Variants in VARS2 observed in about 807,000 individuals in gnomAD.
The protein encoded by VARS2 is valine--tRNA ligase, mitochondrial.
VARS2 carries 105 observed loss-of-function variants against 154.1 expected under a neutral mutation model. The ratio of observed to expected loss-of-function variants is 0.68; its 90% CI spans 0.58 to 0.80. The LOEUF is 0.80. Ranked by LOEUF, VARS2 falls within the 30% of genes least tolerant of loss-of-function variation. The pLI, the probability that VARS2 is intolerant of heterozygous loss-of-function variation, is 0.00. For synonymous variants in VARS2, 483 were observed against 539.5 expected, an observed-to-expected ratio of 0.90 and a Z score of 1.45; for missense variants, 1,157 against 1,361.4, an observed-to-expected ratio of 0.85 and a Z score of 2.36.
Position 30,925,528 on chromosome 6 carries a change from GTTTC to G in VARS2, c.2786-7_2786-4del, listed in dbSNP as rs1187196326. The G allele has an allele frequency of 6.4e-7, 1 of 1,567,094 alleles. No homozygotes were observed. The highest frequency in any genetic ancestry group is 8.6e-7 in the Non-Finnish European group (1 of 1,160,916). On this transcript the variant is annotated splice_polypyrimidine_tract_variant and intron_variant, in intron 27 of 29. Coordinates refer to ENST00000676266, the MANE Select transcript of VARS2 (RefSeq NM_020442.6). The stretch of plus-strand genomic sequence containing the variant: ...AGGAGCTGAGGCCTTGCCCCTGACA[GTTTC>G]TTTCTTTCCAGTGCTGCTGCAGAGC...
At position 30,924,535 on chromosome 6, in the gene VARS2, C is replaced by T. The variant is rs1794725543; in HGVS notation, c.2648C>T (p.Ala883Val). Residue 883 changes from alanine (A) to valine (V), a missense_variant, in exon 26 of 30, where the codon GCC (alanine) becomes GTC (valine). By Grantham distance (64) the Ala-to-Val change is moderately conservative. Transcript: ENST00000676266. ...GCPPAPSISV[A>V]PYPSACSLEH... ...CCCCCTGCCCCCAGCATCTCGGTTG[C>T]CCCCTACCCCAGCGCCTGCAGCTTG... 2.6e-6 allele frequency: 4 copies of T among 1,559,506 alleles called. No homozygotes were observed. The highest frequency in any genetic ancestry group is 1.4e-5 in the African/African-American group (1 of 73,680).
chr6:30,924,534 G>A lies in VARS2; in HGVS notation c.2647G>A (p.Ala883Thr). 6.4e-7 allele frequency: 1 copy of A among 1,567,274 alleles called. No homozygotes were observed. ...CCCCCCTGCCCCCAGCATCTCGGTT[G>A]CCCCCTACCCCAGCGCCTGCAGCTT... ...GCPPAPSISV[A>T]PYPSACSLEH... Residue 883 changes from alanine (A) to threonine (T), a missense_variant, in exon 26 of 30, where the codon GCC becomes ACC. By Grantham distance (58) the Ala-to-Thr change is moderately conservative (BLOSUM62 0). Coordinates refer to ENST00000676266, the MANE Select transcript of VARS2 (RefSeq NM_020442.6).
chr6:30,919,888 C>A lies in VARS2; in HGVS notation c.1165+40C>A. 6.6e-7 allele frequency: 1 copy of A among 1,520,990 alleles called. No individual in the cohort carries two copies. Among genetic ancestry groups the A allele is most frequent in the Non-Finnish European group, 8.9e-7 (1 of 1,129,112 alleles). 94.2% of individuals were successfully genotyped at this position (1,520,990 alleles called of 1,614,324 possible). Reference sequence around the variant, plus strand: ...GGGGAGGGAGAGAAAGTTGGGGGTCCTGGAGGAGAGGGGAGGGAACCAGGA... The same window carrying A: ...GGGGAGGGAGAGAAAGTTGGGGGTCATGGAGGAGAGGGGAGGGAACCAGGA... On this transcript the variant is annotated intron_variant, in intron 12 of 29. Transcript: ENST00000676266. This position sits in a 1 kb window ranked among gnomAD's most constrained non-coding sequence, Gnocchi z 4.5.
rs997456526 is a variant in VARS2, at chr6:30,922,107, TC to T, written c.1807-4del. 6.2e-7 allele frequency: 1 copy of T among 1,612,024 alleles called. No homozygotes were observed. Among genetic ancestry groups the T allele is most frequent in the Non-Finnish European group, 8.5e-7 (1 of 1,179,658 alleles). ...GGCCTGGGCCTCTTACTGCTCCTCT[TC>T]CCCCTAGACCCCAGACCTTGCTCGT... On this transcript the variant is annotated splice_region_variant and splice_polypyrimidine_tract_variant and intron_variant, in intron 19 of 29. Transcript: ENST00000676266.
At position 30,921,639 on chromosome 6, in the gene VARS2, G is replaced by A; in HGVS notation, c.1683G>A (p.Glu561=). The A allele has an allele frequency of 6.2e-7, 1 of 1,609,568 alleles. No individual in the cohort carries two copies. Among genetic ancestry groups the A allele is most frequent in the Non-Finnish European group, 8.5e-7 (1 of 1,179,190 alleles). The change falls in exon 18 of 30, where the codon GAG becomes GAA. Residue 561 remains glutamate, a synonymous_variant. Coordinates refer to ENST00000676266, the MANE Select transcript of VARS2 (RefSeq NM_020442.6). The surrounding 1 kb of genome is among the most constrained non-coding windows in gnomAD (Gnocchi z 4.6). The part of the protein sequence containing the change: ...VVGRSEAEAR[E]VAAELTGRPG... ...GGCGGTCAGAGGCTGAGGCCAGAGAGGTAGCAGCGGAACTGACAGGGAGGC... is the reference window on the plus strand; with the variant it reads ...GGCGGTCAGAGGCTGAGGCCAGAGAAGTAGCAGCGGAACTGACAGGGAGGC...
At position 30,915,355 on chromosome 6, in the gene VARS2, A is replaced by G; in HGVS notation, c.284A>G (p.Asp95Gly). The G allele has an allele frequency of 6.2e-7, 1 of 1,614,168 alleles. No homozygotes were observed. Among genetic ancestry groups the G allele is most frequent in the Non-Finnish European group, 8.5e-7 (1 of 1,180,016 alleles). The change falls in exon 4 of 30, where the codon GAT becomes GGT. Residue 95 changes from aspartate (D) to glycine (G), a missense_variant and splice_region_variant. Coordinates refer to ENST00000676266, the MANE Select transcript of VARS2 (RefSeq NM_020442.6). ...GTGGAGCTCTCCTCTGCCTTCACAG[A>G]TGTCTCTGGGCCCCTGCCTCCTGCA... Reference protein sequence around the residue: ...EIPTKPGEKKDVSGPLPPAYS... With the variant: ...EIPTKPGEKKGVSGPLPPAYS...
Position 30,924,350 on chromosome 6 carries a change from C to G in VARS2, c.2467-4C>G. On this transcript the variant is annotated splice_polypyrimidine_tract_variant and splice_region_variant and intron_variant, in intron 25 of 29. Transcript: ENST00000676266. Reference sequence around the variant, plus strand: ...TGTCCTCTGACCATTGGCTTCCTCTCCAGGAGGCTGTGAAGCCCGTGCTGT... The same window carrying G: ...TGTCCTCTGACCATTGGCTTCCTCTGCAGGAGGCTGTGAAGCCCGTGCTGT... 1 of 1,611,550 alleles carries G rather than the reference C, an allele frequency of 6.2e-7. No individual in the cohort carries two copies.
Position 30,920,275 on chromosome 6 carries a change from C to A in VARS2, c.1294-58C>A. ...GGCTCTCTGTCCCCCTAATCCTCCT[C>A]CTAGTTTCTTATTTCTCTAGAGGCC... On this transcript the variant is annotated intron_variant, in intron 13 of 29. Transcript: ENST00000676266. This position sits in a 1 kb window ranked among gnomAD's most constrained non-coding sequence, Gnocchi z 4.6. The A allele has an allele frequency of 6.4e-7, 1 of 1,570,358 alleles. No individual in the cohort carries two copies. Among genetic ancestry groups the A allele is most frequent in the South Asian group, 1.2e-5 (1 of 83,162 alleles).
chr6:30,917,957 G>T lies in VARS2; in HGVS notation c.985+151G>T. On this transcript the variant is annotated intron_variant, in intron 10 of 29. Transcript: ENST00000676266. The surrounding 1 kb of genome is among the most constrained non-coding windows in gnomAD (Gnocchi z 4.4). ...CGTGGGCACTTACCCAGGGTCTTCT[G>T]GGGGATGTACAAAAAGTGCATGTGG... 1 of 798,636 alleles carries T rather than the reference G, an allele frequency of 1.3e-6. No individual in the cohort carries two copies. Among genetic ancestry groups the T allele is most frequent in the South Asian group, 1.6e-5 (1 of 61,844 alleles). The allele number at this position is 798,636 out of a possible 1,614,324, so 49.5% of individuals were successfully genotyped here.
At position 30,920,522 on chromosome 6, in the gene VARS2, C is replaced by A; in HGVS notation, c.1397+86C>A. The A allele has an allele frequency of 7.1e-7, 1 of 1,404,118 alleles. No homozygotes were observed. Among genetic ancestry groups the A allele is most frequent in the Non-Finnish European group, 9.6e-7 (1 of 1,037,178 alleles). 87.0% of individuals were successfully genotyped at this position (1,404,118 alleles called of 1,614,324 possible). A position where few individuals can be genotyped will look rare whatever the true frequency, so the allele number is the denominator to read the frequency against. On this transcript the variant is annotated intron_variant, in intron 14 of 29. Coordinates refer to ENST00000676266, the MANE Select transcript of VARS2 (RefSeq NM_020442.6). The surrounding 1 kb of genome is among the most constrained non-coding windows in gnomAD (Gnocchi z 4.6). The stretch of plus-strand genomic sequence containing the variant: ...GGGTGACAATAGGATGGGCTCTGCA[C>A]CCCTCCGTTAGAATACGAGCTCCGT...
chr6:30,918,054 A>ATGTTT (rs1794288072), intron 10 of VARS2, among the ~76,000 whole-genome samples: 1 of 143,982 alleles, frequency 6.9e-6, no homozygotes, highest in African/African-American at 2.4e-5. Context: ...GTTCTAAGGT[A>ATGTTT]TGTTTTGTTT....
chr6:30,918,831 A>T lies in VARS2; in HGVS notation c.990A>T (p.Ala330=). The change falls in exon 11 of 30, where the codon GCA becomes GCT. Residue 330 remains alanine (A), a synonymous_variant. Coordinates refer to ENST00000676266, the MANE Select transcript of VARS2 (RefSeq NM_020442.6). ...VAFPVDGEPD[A]EVVVGTTRPE... ...TGTTTAAATGTTTATCTTCAGATGC[A>T]GAGGTTGTGGTAGGAACCACAAGGC... 1 of 1,613,004 alleles carries T rather than the reference A, an allele frequency of 6.2e-7. No individual in the cohort carries two copies. Among genetic ancestry groups the T allele is most frequent in the Admixed American group, 1.7e-5 (1 of 60,014 alleles).
In VARS2 at chr6:30,919,302, T is replaced by C; in HGVS notation, c.1074+387T>C. ...GTGCCACCACACCCAGCTAATTTTTTGTATTTTTACAAAAATTAGTAATTA... is the reference window on the plus strand; with the variant it reads ...GTGCCACCACACCCAGCTAATTTTTCGTATTTTTACAAAAATTAGTAATTA... On this transcript the variant is annotated intron_variant, in intron 11 of 29. Transcript: ENST00000676266. The surrounding 1 kb of genome is among the most constrained non-coding windows in gnomAD (Gnocchi z 4.5). 1 of 187,062 alleles carries C rather than the reference T, an allele frequency of 5.3e-6. No individual in the cohort carries two copies. The highest frequency in any genetic ancestry group is 1.1e-5 in the Non-Finnish European group (1 of 91,238). The allele number at this position is 187,062 out of a possible 1,614,324, so 11.6% of individuals were successfully genotyped here.
In VARS2 at chr6:30,916,232, G is replaced by A; in HGVS notation, c.654G>A (p.Val218=). 1 of 1,613,332 alleles carries A rather than the reference G, an allele frequency of 6.2e-7. No individual in the cohort carries two copies. Among genetic ancestry groups the A allele is most frequent in the African/African-American group, 1.3e-5 (1 of 74,992 alleles). Residue 218 remains valine (V), a synonymous_variant, in exon 7 of 30, where the codon GTG becomes GTA. Coordinates refer to ENST00000676266, the MANE Select transcript of VARS2 (RefSeq NM_020442.6). The surrounding 1 kb of genome is among the most constrained non-coding windows in gnomAD (Gnocchi z 4.0). ...ELSREAFLRE[V]WQWKEAKGGE... is the part of the protein sequence containing the mutation. ...GCCGGGAGGCCTTCCTTAGGGAGGTGTGGCAGTGGAAGGAGGCGTGAGTAT... is the reference window on the plus strand; with the variant it reads ...GCCGGGAGGCCTTCCTTAGGGAGGTATGGCAGTGGAAGGAGGCGTGAGTAT...
At chr6:30,924,946 C>G (rs563490317) in intron 26 of VARS2, among the ~76,000 whole-genome samples, 2 of 152,276 alleles carry the variant, frequency 1.3e-5, no homozygotes, top group East Asian at 3.9e-4. Context: ...TATGAACTCA[C>G]CCAAAAATTA....
chr6:30,917,255 A>G lies in VARS2; in HGVS notation c.873+31A>G, dbSNP rs1418931185. 6.2e-7 allele frequency: 1 copy of G among 1,613,758 alleles called. No homozygotes were observed. Among genetic ancestry groups the G allele is most frequent in the Non-Finnish European group, 8.5e-7 (1 of 1,180,014 alleles). On this transcript the variant is annotated intron_variant, in intron 9 of 29. Coordinates refer to ENST00000676266, the MANE Select transcript of VARS2 (RefSeq NM_020442.6). The surrounding 1 kb of genome is among the most constrained non-coding windows in gnomAD (Gnocchi z 4.4). ...GCGGAGAGAGGGAAGCAGGTTTGTG[A>G]GAGCTCTGAGGCAGAGTGGTCAATG...
chr6:30,918,148 A>C, intron 10 of VARS2, among the ~76,000 whole-genome samples: 1 of 152,088 alleles, frequency 6.6e-6, no homozygotes, highest in East Asian at 1.9e-4. Flanking sequence ...GGCTCCTGCA[A>C]CCTCTGCTTC....
chr6:30,916,862 ATC>A lies in VARS2; in HGVS notation c.672-10_672-9del. ...GCTTGGGAAGTGTTTGCTGACAAGG[ATC>A]TCTCTGGGCACAGGAAAGGTGGAGA... On this transcript the variant is annotated splice_polypyrimidine_tract_variant and intron_variant, in intron 7 of 29. Coordinates refer to ENST00000676266, the MANE Select transcript of VARS2 (RefSeq NM_020442.6). The surrounding 1 kb of genome is among the most constrained non-coding windows in gnomAD (Gnocchi z 4.0). 6.2e-7 allele frequency: 1 copy of A among 1,613,966 alleles called. No homozygotes were observed. Among genetic ancestry groups the A allele is most frequent in the Non-Finnish European group, 8.5e-7 (1 of 1,179,882 alleles).
chr6:30,914,663 T>C, intron 1 of VARS2, 147 bp from the exon 2 acceptor site: 1 of 1,063,218 alleles, frequency 9.4e-7, no homozygotes, highest in Non-Finnish European at 1.3e-6. Context: ...CCATGCACTC[T>C]AGCTCTCAAG....
Sources: allele counts gnomAD v4.1 joint callset (sites outside exome capture counted in the v4.1 genomes callset), GRCh38; gene constraint gnomAD v4.1.1; non-coding constraint Gnocchi (gnomAD v3.1); transcripts MANE v1.5; gene names NCBI Gene and HGNC (gene_info 2026-07-23, HGNC 2026-07-21).